CERS3: variants seen among roughly 807,000 people sequenced by gnomAD.
The protein encoded by CERS3 is ceramide synthase 3, also known as LAG1 homolog, ceramide synthase 3.
In CERS3, 33 loss-of-function variants were observed where a neutral mutation model predicts 50.3. The ratio of observed to expected loss-of-function variants is 0.66; its 90% CI spans 0.50 to 0.88. CERS3 has a LOEUF of 0.88. CERS3 is among the 40% of genes least tolerant of loss of function. The probability of loss-of-function intolerance (pLI) is 0.00; values close to 1 mark genes in which losing one functional copy is unlikely to be tolerated. For missense variants in CERS3, 470 were observed against 460.3 expected (o/e 1.02, Z -0.19); for synonymous variants, 176 against 155.2 (o/e 1.13, Z -0.99).
chr15:100,445,729 C>T (rs1038311994), intron 11 of CERS3, among the ~76,000 whole-genome samples: 5 of 152,168 alleles, frequency 3.3e-5, no homozygotes, highest in Non-Finnish European at 5.9e-5. Flanking sequence ...TACCATCCCC[C>T]AAAATTTTCA....
At chr15:100,473,203 G>A in intron 8 of CERS3, 151 bp from the exon 9 acceptor site, 1 of 797,772 alleles carries the variant, frequency 1.3e-6, no homozygotes. Context: ...CACAATCTTT[G>A]TGAGGGAGCT....
At chr15:100,519,957 G>A (rs1198123937) in intron 2 of CERS3, among the ~76,000 whole-genome samples, 1 of 152,074 alleles carries the variant, frequency 6.6e-6, no homozygotes, top group Admixed American at 6.6e-5. Context: ...CCCTCCTCTG[G>A]CCTCACTTCT....
chr15:100,537,699 G>A (rs1050096731), intron 1 of CERS3, among the ~76,000 whole-genome samples: 1 of 152,138 alleles, frequency 6.6e-6, no homozygotes, highest in Admixed American at 6.6e-5. Flanking sequence ...TGAGGATTAT[G>A]GAAATTACAA....
chr15:100,538,034 T>TG (rs894059815), intron 1 of CERS3, among the ~76,000 whole-genome samples: 39 of 152,184 alleles, frequency 2.6e-4, no homozygotes, highest in African/African-American at 9.4e-4. Context: ...CTATGCAAGT[T>TG]GGACATTCAG....
chr15:100,439,249 A>C, intron 11 of CERS3, among the ~76,000 whole-genome samples: 1 of 150,996 alleles, frequency 6.6e-6, no homozygotes, highest in East Asian at 1.9e-4. Context: ...TATTGTTTAG[A>C]AAAAATAAGA....
At chr15:100,407,928 A>G (rs2031180822) in intron 11 of CERS3, among the ~76,000 whole-genome samples, 1 of 152,060 alleles carries the variant, frequency 6.6e-6, no homozygotes, top group South Asian at 2.1e-4. Flanking sequence ...CTGGAGTGCA[A>G]TGGTGCAATC....
At position 100,412,602 on chromosome 15, in the gene CERS3, T is replaced by C. The variant is rs1208531077; in HGVS notation, c.1000-9737A>G. Among the ~76,000 whole-genome samples the C allele has an allele frequency of 3.9e-5, 6 of 152,214 alleles. No homozygotes were observed. In the East Asian group the frequency reaches 9.6e-4, roughly 24 times the overall value. On this transcript the variant is annotated intron_variant, in intron 11 of 11. Coordinates refer to ENST00000679737, the MANE Select transcript of CERS3 (RefSeq NM_001378789.1). ...CATGACCTTAAGATCAGTTTAGCCA[T>C]GGTTCCCTGATTTATAGAAGAAAAA...
intron 4 of CERS3, among the ~76,000 whole-genome samples, chr15:100,485,976 G>A (rs776047225): frequency 2.0e-5 from 3 of 152,210 alleles, no homozygotes; most frequent in Non-Finnish European, 2.9e-5. Context: ...GCTGAGGAAA[G>A]AAGTGGGAGC....
rs923695523 is a variant in CERS3 at position 100,472,963 on chromosome 15, G to A, written c.699C>T (p.Leu233=). ...CAGCCACATCGTGTACAATCATCACGAGGGTCCCACTGCGAATATAATTAG... is the reference window on the plus strand; with the variant it reads ...CAGCCACATCGTGTACAATCATCACAAGGGTCCCACTGCGAATATAATTAG... ...WCANYIRSGT[L]VMIVHDVADI... is the part of the protein sequence containing the mutation. The change falls in exon 9 of 12, where the codon CTC becomes CTT. Residue 233 remains leucine, a synonymous_variant. Coordinates refer to ENST00000679737, the MANE Select transcript of CERS3 (RefSeq NM_001378789.1). The A allele has an allele frequency of 1.3e-5, 21 of 1,613,888 alleles. No individual in the cohort carries two copies. The highest frequency in any genetic ancestry group is 4.4e-5 in the South Asian group (4 of 91,066).
chr15:100,466,484 G>A (rs1204253512), intron 10 of CERS3, among the ~76,000 whole-genome samples: 2 of 152,138 alleles, frequency 1.3e-5, no homozygotes, highest in Admixed American at 1.3e-4. Flanking sequence ...CAGATTTAGT[G>A]ACCTGGTTCC....
At chr15:100,411,546 G>T (rs1281936563) in intron 11 of CERS3, among the ~76,000 whole-genome samples, 1 of 152,054 alleles carries the variant, frequency 6.6e-6, no homozygotes, top group African/African-American at 2.4e-5. Flanking sequence ...CTCAATGGTC[G>T]CTGGATTGCT....
chr15:100,488,856 A>T (rs2035564347), intron 4 of CERS3, among the ~76,000 whole-genome samples: 1 of 151,178 alleles, frequency 6.6e-6, no homozygotes, highest in African/African-American at 2.4e-5. Context: ...GGCTCACTGC[A>T]ACCTCCAACT....
chr15:100,428,776 C>T (rs954899408), intron 11 of CERS3, among the ~76,000 whole-genome samples: 5 of 152,190 alleles, frequency 3.3e-5, no homozygotes, highest in Admixed American at 1.3e-4. Context: ...AGAAATACAT[C>T]GTTACAGGTT....
At chr15:100,544,161 C>A (rs2037277820) in intron 1 of CERS3, 1 of 152,408 alleles carries the variant, frequency 6.6e-6, no homozygotes, top group Non-Finnish European at 1.5e-5. Flanking sequence ...GGGGCCCAAC[C>A]CAGCAACCCT....
In CERS3 at chr15:100,423,436, C is replaced by T. The variant is rs186632178; in HGVS notation, c.1000-20571G>A. 5.2e-3 allele frequency among the ~76,000 whole-genome samples: 796 copies of T among 152,196 alleles called. 7 individuals are homozygous for T. Among genetic ancestry groups the T allele is most frequent in the African/African-American group, 0.018 (761 of 41,512 alleles). On this transcript the variant is annotated intron_variant, in intron 11 of 11. Transcript: ENST00000679737. ...ATATACACTGTGAAATGCTATACAG[C>T]CATAAAAAAGAACAAAATCATGTCC...
At position 100,521,776 on chromosome 15, in the gene CERS3, G is replaced by T. The variant is rs1176816519; in HGVS notation, c.-91-20C>A. 6.6e-6 allele frequency: 1 copy of T among 152,076 alleles called. No homozygotes were observed. The highest frequency in any genetic ancestry group is 6.6e-5 in the Admixed American group (1 of 15,264). 9.4% of individuals were successfully genotyped at this position (152,076 alleles called of 1,614,324 possible). ...ACATCCCTAAAGAAGCAGAAAAAGAGAAACATAATTAATATATTACACAAC... is the reference window on the plus strand; with the variant it reads ...ACATCCCTAAAGAAGCAGAAAAAGATAAACATAATTAATATATTACACAAC... On this transcript the variant is annotated intron_variant, in intron 1 of 11. Transcript: ENST00000679737.
At chr15:100,462,516 A>C (rs1357059960) in intron 10 of CERS3, among the ~76,000 whole-genome samples, 3 of 152,198 alleles carry the variant, frequency 2.0e-5, no homozygotes, top group Non-Finnish European at 2.9e-5. Flanking sequence ...GTGATCTCTT[A>C]AGTTTCTAAA....
chr15:100,456,139 C>T (rs983597481), intron 10 of CERS3, 93 bp from the exon 11 acceptor site: 21 of 877,554 alleles, frequency 2.4e-5, no homozygotes, highest in Non-Finnish European at 3.2e-5. Flanking sequence ...CTAAGCCATA[C>T]ATGTATTTCG....
At chr15:100,433,677 G>A (rs940297399) in intron 11 of CERS3, among the ~76,000 whole-genome samples, 2 of 152,186 alleles carry the variant, frequency 1.3e-5, no homozygotes, top group African/African-American at 4.8e-5. Flanking sequence ...TGGAAGCCCA[G>A]GGTATCCCCA....
Sources: gnomAD v4.1 joint callset for allele counts (sites outside exome capture counted in the v4.1 genomes callset) on GRCh38, gnomAD v4.1.1 for gene constraint, MANE v1.5 for transcripts, NCBI Gene and HGNC (gene_info 2026-07-23, HGNC 2026-07-21) for gene names.